Variants in SMARCD1 observed in about 807,000 individuals in gnomAD.
SMARCD1 encodes the protein SWI/SNF related BAF chromatin remodeling complex subunit D1.
In SMARCD1, 16 loss-of-function variants were observed where a neutral mutation model predicts 70.8. The observed-to-expected ratio is 0.23, with a 90% CI of 0.15 to 0.34. SMARCD1 has a LOEUF of 0.34. Ranked by LOEUF, SMARCD1 falls within the 10% of genes least tolerant of loss-of-function variation. The pLI is 1.00. For missense variants in SMARCD1, 409 were observed against 655.5 expected (o/e 0.62, Z 4.11); for synonymous variants, 249 against 246.0 (o/e 1.01, Z -0.11).
chr12:50,092,835 G>C (rs898717011), intron 9 of SMARCD1, among the ~76,000 whole-genome samples: 1 of 151,984 alleles, frequency 6.6e-6, no homozygotes, highest in Non-Finnish European at 1.5e-5. Flanking sequence ...CCTGGAGTTC[G>C]AGTCCAGCCT....
At chr12:50,096,764 G>C in intron 10 of SMARCD1, 86 bp from the exon 11 acceptor site, 1 of 1,296,374 alleles carries the variant, frequency 7.7e-7, no homozygotes, top group Admixed American at 1.9e-5. Context: ...GTTGGAAGTG[G>C]CATGTGGAGT....
intron 9 of SMARCD1, among the ~76,000 whole-genome samples, chr12:50,092,475 G>A (rs1226468040): frequency 6.7e-6 from 1 of 150,276 alleles, no homozygotes; most frequent in Middle Eastern, 3.5e-3. Flanking sequence ...ACCCGCCTCG[G>A]CCTCCCAAAG....
At chr12:50,093,478 AATTATT>A (rs112760233) in intron 9 of SMARCD1, among the ~76,000 whole-genome samples, 2 of 150,804 alleles carry the variant, frequency 1.3e-5, no homozygotes, top group Admixed American at 6.6e-5. Flanking sequence ...AAGTTTTAAA[AATTATT>A]ATTATTATTT....
At position 50,089,972 on chromosome 12, in the gene SMARCD1, T is replaced by C. The variant is rs1950826409; in HGVS notation, c.860T>C (p.Met287Thr). ...DVNVRCTVLLMLDYQPPQFKL... is the reference protein window; with the variant it reads ...DVNVRCTVLLTLDYQPPQFKL... ...AATGTACGGTGTACTGTCCTACTGATGCTGGATTACCAGGTATTCTGTGGT... is the reference window on the plus strand; with the variant it reads ...AATGTACGGTGTACTGTCCTACTGACGCTGGATTACCAGGTATTCTGTGGT... Residue 287 changes from methionine to threonine, a missense_variant, in exon 7 of 13, where the codon ATG becomes ACG. By Grantham distance (81) the Met-to-Thr change is moderately conservative (BLOSUM62 -1). This residue lies in a region of SMARCD1 where 269 missense variants were observed against 498.6 expected (regional missense o/e 0.54). Coordinates refer to ENST00000394963, the MANE Select transcript of SMARCD1 (RefSeq NM_003076.5). The C allele has an allele frequency of 1.2e-6, 2 of 1,613,670 alleles. No individual in the cohort carries two copies. Among genetic ancestry groups the C allele is most frequent in the African/African-American group, 2.7e-5 (2 of 74,922 alleles).
At chr12:50,097,938 A>G (rs1950907702) in intron 11 of SMARCD1, among the ~76,000 whole-genome samples, 1 of 152,070 alleles carries the variant, frequency 6.6e-6, no homozygotes, top group African/African-American at 2.4e-5. Context: ...ACCAGGACCA[A>G]TAAGATGATT....
At chr12:50,087,736 G>T (rs1426230785) in intron 5 of SMARCD1, among the ~76,000 whole-genome samples, 1 of 151,986 alleles carries the variant, frequency 6.6e-6, no homozygotes, top group African/African-American at 2.4e-5. Flanking sequence ...TCCTCTTGGT[G>T]CTGCTGGCCA....
chr12:50,086,086 C>G (rs1950786248), intron 1 of SMARCD1, 75 bp from the exon 2 acceptor site: 1 of 1,142,842 alleles, frequency 8.8e-7, no homozygotes, highest in African/African-American at 1.5e-5. Flanking sequence ...AGATCTCAGG[C>G]GTTCCCTGCT....
At chr12:50,090,736 TATA>T (rs1024707768) in intron 9 of SMARCD1, 146 bp downstream of exon 9, 23 of 547,834 alleles carry the variant, frequency 4.2e-5, no homozygotes, top group Admixed American at 6.9e-5. Flanking sequence ...TACATAAACT[TATA>T]ATTAAATATA....
chr12:50,086,761 T>C lies in SMARCD1; in HGVS notation c.414T>C (p.Arg138=). 5 of 1,614,124 alleles carry C rather than the reference T, an allele frequency of 3.1e-6. No individual in the cohort carries two copies. Among genetic ancestry groups the C allele is most frequent in the Non-Finnish European group, 4.2e-6 (5 of 1,180,002 alleles). ...MADKILPQRI[R]ELVPESQAYM... is the part of the protein sequence containing the mutation. ...TTAATTTTTCTGTTCCTAAGATTCG[T>C]GAACTGGTACCAGAATCCCAGGCCT... Residue 138 remains arginine, a synonymous_variant, in exon 4 of 13, where the codon CGT becomes CGC. Transcript: ENST00000394963.
In SMARCD1 at chr12:50,099,376, A is replaced by G. The variant is rs1950920010; in HGVS notation, c.*376A>G. The G allele has an allele frequency of 4.4e-6, 2 of 458,572 alleles. No individual in the cohort carries two copies. The highest frequency in any genetic ancestry group is 7.7e-6 in the Non-Finnish European group (2 of 260,980). 28.4% of individuals were successfully genotyped at this position (458,572 alleles called of 1,614,324 possible). A position where few individuals can be genotyped will look rare whatever the true frequency, so the allele number is the denominator to read the frequency against. On this transcript the variant is annotated 3_prime_UTR_variant, in exon 13 of 13. Transcript: ENST00000394963. Reference sequence around the variant, plus strand: ...TGATCCTGCCCTTCAGAGACCCAGGAGTTGGGAGCTTTCGCTCCTTCTCCA... The same window carrying G: ...TGATCCTGCCCTTCAGAGACCCAGGGGTTGGGAGCTTTCGCTCCTTCTCCA...
intron 11 of SMARCD1, 46 bp downstream of exon 11, chr12:50,097,018 G>A (rs763894094): frequency 1.3e-6 from 2 of 1,546,464 alleles, no homozygotes; most frequent in South Asian, 2.4e-5. Context: ...TCAGTGAGGT[G>A]CACAGCTGCT....
intron 10 of SMARCD1, among the ~76,000 whole-genome samples, chr12:50,096,039 G>A (rs1950890698): frequency 6.6e-6 from 1 of 152,200 alleles, no homozygotes. Context: ...GGGCAGGGCT[G>A]GAGGCAGGAA....
At chr12:50,090,468 C>CTCGT (rs990549389) in intron 8 of SMARCD1, 25 bp from the exon 9 acceptor site, 30 of 1,613,074 alleles carry the variant, frequency 1.9e-5, no homozygotes, top group Non-Finnish European at 2.5e-5. Context: ...AACTGCTAAC[C>CTCGT]TCGTGCTTCT....
At chr12:50,094,852 C>T (rs563724229) in intron 10 of SMARCD1, among the ~76,000 whole-genome samples, 2 of 152,300 alleles carry the variant, frequency 1.3e-5, no homozygotes, top group Admixed American at 1.3e-4. Context: ...GGCTGGAGTG[C>T]AGTGGTGCAA....
intron 5 of SMARCD1, 114 bp from the exon 6 acceptor site, chr12:50,088,407 A>G: frequency 1.4e-6 from 1 of 702,744 alleles, no homozygotes; most frequent in Non-Finnish European, 2.6e-6. Flanking sequence ...AGATATTCAG[A>G]AGATATTTTT....
At position 50,086,886 on chromosome 12, in the gene SMARCD1, A is replaced by G. The variant is rs1157829711; in HGVS notation, c.531+8A>G. The G allele has an allele frequency of 6.2e-7, 1 of 1,614,020 alleles. No individual in the cohort carries two copies. Among genetic ancestry groups the G allele is most frequent in the Admixed American group, 1.7e-5 (1 of 60,002 alleles). On this transcript the variant is annotated splice_region_variant and intron_variant, in intron 4 of 12. Coordinates refer to ENST00000394963, the MANE Select transcript of SMARCD1 (RefSeq NM_003076.5). ...TTGAAACGTCCCATCAAGGTAACAC[A>G]GGAAAGTACTAGGCAGAGAGCCAAA...
chr12:50,087,473 G>C lies in SMARCD1; in HGVS notation c.642G>C (p.Arg214=). 6.2e-7 allele frequency: 1 copy of C among 1,613,834 alleles called. No homozygotes were observed. The stretch of plus-strand genomic sequence containing the variant: ...CCTGGGAGCTTCGGGTAGAAGGACG[G>C]CTCCTGGAGGATGTGAGTTCAAGGT... ...VASWELRVEG[R]LLEDSALSKY... Residue 214 remains arginine, a synonymous_variant, in exon 5 of 13, where the codon CGG becomes CGC. Coordinates refer to ENST00000394963, the MANE Select transcript of SMARCD1 (RefSeq NM_003076.5).
intron 2 of SMARCD1, 49 bp downstream of exon 2, chr12:50,086,397 C>A: frequency 1.4e-6 from 2 of 1,427,592 alleles, no homozygotes; most frequent in Non-Finnish European, 1.9e-6. Context: ...CCTGGGAGGA[C>A]ACAGGTGGTG....
At chr12:50,085,886 G>A (rs1950783988) in intron 1 of SMARCD1, 2 of 393,454 alleles carry the variant, frequency 5.1e-6, no homozygotes, top group South Asian at 2.5e-4. Context: ...CTTCTAAAGA[G>A]ATAGTAGCTA....
Sources: gnomAD v4.1 joint callset for allele counts (sites outside exome capture counted in the v4.1 genomes callset) on GRCh38, gnomAD v4.1.1 for gene constraint, gnomAD v4.1.1 regional missense constraint, MANE v1.5 for transcripts, NCBI Gene and HGNC (gene_info 2026-07-23, HGNC 2026-07-21) for gene names.